SLC3A1: variants seen among roughly 807,000 people sequenced by gnomAD.
SLC3A1 encodes the protein solute carrier family 3 member 1.
SLC3A1 carries 78 observed loss-of-function variants against 60.3 expected under a neutral mutation model. The observed-to-expected ratio is 1.29, with a 90% CI of 1.08 to 1.56. The LOEUF (loss-of-function observed/expected upper bound fraction) is 1.56. Among genes scored for constraint, SLC3A1 ranks in the 40% most tolerant of loss-of-function variants. SLC3A1 has a pLI of 0.00. For synonymous variants in SLC3A1, 392 were observed against 307.9 expected (o/e 1.27, Z -2.86); for missense variants, 1,172 against 858.9 (o/e 1.36, Z -4.56).
chr2:44,277,194 G>A (rs955176371), intron 1 of SLC3A1, among the ~76,000 whole-genome samples: 6 of 143,204 alleles, frequency 4.2e-5, no homozygotes, highest in African/African-American at 5.2e-5. Context: ...TGCAACCTCC[G>A]TCACCTGGGT....
rs375934273 is a variant in SLC3A1, at chr2:44,304,357, A to G, written c.1332+19A>G. Reference sequence around the variant, plus strand: ...CTGGATGGTAAGTCCTCATGACAGCAGAGTACATAATGTGCTGCTGTTGCC... The same window carrying G: ...CTGGATGGTAAGTCCTCATGACAGCGGAGTACATAATGTGCTGCTGTTGCC... On this transcript the variant is annotated intron_variant, in intron 7 of 9. Transcript: ENST00000260649. The G allele has an allele frequency of 5.7e-6, 9 of 1,584,782 alleles. No homozygotes were observed. The highest frequency in any genetic ancestry group is 5.4e-5 in the African/African-American group (4 of 74,560).
intron 1 of SLC3A1, among the ~76,000 whole-genome samples, chr2:44,280,175 A>G (rs1671460271): frequency 6.6e-6 from 1 of 152,218 alleles, no homozygotes; most frequent in Non-Finnish European, 1.5e-5. Flanking sequence ...TGAGTAAGTC[A>G]CAGAGATTTT....
At chr2:44,293,882 G>A (rs990439768) in intron 4 of SLC3A1, among the ~76,000 whole-genome samples, 2 of 152,144 alleles carry the variant, frequency 1.3e-5, no homozygotes, top group Non-Finnish European at 2.9e-5. Flanking sequence ...GGTAAAGGGG[G>A]AACAATAATG....
intron 9 of SLC3A1, among the ~76,000 whole-genome samples, chr2:44,316,098 C>T (rs557189259): frequency 1.3e-5 from 2 of 152,202 alleles, no homozygotes; most frequent in East Asian, 3.9e-4. Context: ...CTTGGCTTCC[C>T]ATTATGAGAG....
chr2:44,292,450 T>A (rs1671761067), intron 4 of SLC3A1, among the ~76,000 whole-genome samples: 1 of 152,156 alleles, frequency 6.6e-6, no homozygotes, highest in South Asian at 2.1e-4. Context: ...GTATTGTGTG[T>A]CTTGACCATG....
Position 44,320,647 on chromosome 2 carries a change from TATGAAGAG to T in SLC3A1, c.*16_*23del. On this transcript the variant is annotated 3_prime_UTR_variant, in exon 10 of 10. Coordinates refer to ENST00000260649, the MANE Select transcript of SLC3A1 (RefSeq NM_000341.4). ...CTGTATACCTCGTGTTAGGCACCTT[TATGAAGAG>T]ATGAAGACACTGGCATTTCAGTGGG... is the stretch of plus-strand genomic sequence containing the variant. The T allele has an allele frequency of 6.2e-7, 1 of 1,608,176 alleles. No homozygotes were observed. The highest frequency in any genetic ancestry group is 8.5e-7 in the Non-Finnish European group (1 of 1,174,726).
At chr2:44,306,594 C>T (rs112846874) in intron 7 of SLC3A1, among the ~76,000 whole-genome samples, 2,845 of 139,924 alleles carry the variant, frequency 0.02, 112 homozygotes, top group African/African-American at 0.072. Context: ...TTGCTCGTTA[C>T]CCAGGCTGGG....
Position 44,320,834 on chromosome 2 carries a change from A to C in SLC3A1, c.*195A>C, listed in dbSNP as rs1672880219. On this transcript the variant is annotated 3_prime_UTR_variant, in exon 10 of 10. Coordinates refer to ENST00000260649, the MANE Select transcript of SLC3A1 (RefSeq NM_000341.4). ...AATGTTTAAAAGTAAATTATGGCTT[A>C]TAGGAGCTTATAACTTTATTCAGAT... The C allele has an allele frequency of 2.3e-5, 14 of 602,382 alleles. No homozygotes were observed. The highest frequency in any genetic ancestry group is 3.8e-5 in the Non-Finnish European group (13 of 340,386). The allele number at this position is 602,382 out of a possible 1,614,324, so 37.3% of individuals were successfully genotyped here. A position where few individuals can be genotyped will look rare whatever the true frequency, so the allele number is the denominator to read the frequency against.
At chr2:44,285,973 C>G in intron 3 of SLC3A1, 59 bp from the exon 4 acceptor site, 1 of 1,602,298 alleles carries the variant, frequency 6.2e-7, no homozygotes, top group South Asian at 1.1e-5. Flanking sequence ...GGGCAATGAT[C>G]TTTATTTGTG....
intron 1 of SLC3A1, among the ~76,000 whole-genome samples, chr2:44,280,456 C>G (rs1483399972): frequency 6.6e-6 from 1 of 151,936 alleles, no homozygotes; most frequent in African/African-American, 2.4e-5. Context: ...CCAGGATGGT[C>G]TCGAGCTCTT....
chr2:44,296,558 C>T (rs981909709), intron 4 of SLC3A1, among the ~76,000 whole-genome samples: 3 of 152,198 alleles, frequency 2.0e-5, no homozygotes, highest in African/African-American at 7.2e-5. Context: ...CACCCCAGAA[C>T]TTGCTCTTAG....
chr2:44,279,374 C>T lies in SLC3A1; in HGVS notation c.431-1342C>T, dbSNP rs530256301. 5.9e-5 allele frequency among the ~76,000 whole-genome samples: 9 copies of T among 152,284 alleles called. No homozygotes were observed. In the East Asian group the frequency reaches 1.7e-3, roughly 29 times the overall value. ...CTTTGCTGTGCCTGGAAGCCCTTCA[C>T]TCTGATCCCCTTTGCCCACACCATC... On this transcript the variant is annotated intron_variant, in intron 1 of 9. Transcript: ENST00000260649.
intron 9 of SLC3A1, among the ~76,000 whole-genome samples, chr2:44,316,990 C>T (rs1672485914): frequency 6.6e-6 from 1 of 150,428 alleles, no homozygotes; most frequent in South Asian, 2.2e-4. Context: ...GAACAAAAAT[C>T]TTAGTGATTT....
chr2:44,317,566 G>C (rs1672527323), intron 9 of SLC3A1: 1 of 152,024 alleles, frequency 6.6e-6, no homozygotes, highest in Non-Finnish European at 1.5e-5. Context: ...ATTACAGAAA[G>C]TTCTATTGGC....
Position 44,304,275 on chromosome 2 carries a change from C to T in SLC3A1, c.1269C>T (p.Ser423=), listed in dbSNP as rs557669708. Residue 423 remains serine, a synonymous_variant, in exon 7 of 10, where the codon AGC becomes AGT. Coordinates refer to ENST00000260649, the MANE Select transcript of SLC3A1 (RefSeq NM_000341.4). ...LSMLDTVSGN[S]VYEVITSWME... is the part of the protein sequence containing the mutation. ...TGCTAGACACTGTTTCTGGGAACAG[C>T]GTGTATGAGGTTATCACATCCTGGA... is the stretch of plus-strand genomic sequence containing the variant. The T allele has an allele frequency of 3.5e-5, 56 of 1,614,058 alleles. No homozygotes were observed. The highest frequency in any genetic ancestry group is 1.1e-4 in the South Asian group (10 of 91,076).
At chr2:44,315,054 C>A (rs552644604) in intron 9 of SLC3A1, 2 of 149,734 alleles carry the variant, frequency 1.3e-5, no homozygotes, top group Non-Finnish European at 1.5e-5. Flanking sequence ...ACCTTGGCCT[C>A]CCAAGTATCT....
At position 44,305,727 on chromosome 2, in the gene SLC3A1, C is replaced by A. The variant is rs145439966; in HGVS notation, c.1332+1389C>A. Among the ~76,000 whole-genome samples, 3 of 152,204 alleles carry A rather than the reference C, an allele frequency of 2.0e-5. No homozygotes were observed. The East Asian group carries it at 5.8e-4, about 29-fold the overall frequency. ...TATGGGCATGAGCCACCACTCCTGG[C>A]CCTTCCTTTCTTTAATATATTATAA... On this transcript the variant is annotated intron_variant, in intron 7 of 9. Coordinates refer to ENST00000260649, the MANE Select transcript of SLC3A1 (RefSeq NM_000341.4).
chr2:44,313,466 C>G (rs960859809), intron 8 of SLC3A1, among the ~76,000 whole-genome samples: 3 of 152,138 alleles, frequency 2.0e-5, no homozygotes, highest in African/African-American at 7.2e-5. Flanking sequence ...TTCATACTCA[C>G]TTGTACATGG....
At chr2:44,308,436 A>G (rs763304670) in intron 7 of SLC3A1, among the ~76,000 whole-genome samples, 5 of 152,248 alleles carry the variant, frequency 3.3e-5, no homozygotes, top group Non-Finnish European at 7.3e-5. Context: ...TTTGGCAATC[A>G]TGCCATCTTG....
Sources: allele counts gnomAD v4.1 joint callset (sites outside exome capture counted in the v4.1 genomes callset), GRCh38; gene constraint gnomAD v4.1.1; transcripts MANE v1.5; gene names NCBI Gene and HGNC (gene_info 2026-07-23, HGNC 2026-07-21).